CDCA7: variants seen among roughly 807,000 people sequenced by gnomAD.
CDCA7 encodes the protein cell division cycle associated 7, also known as cell division cycle-associated protein 7.
In CDCA7, 28 loss-of-function variants were observed where a neutral mutation model predicts 54.0. That is an observed-to-expected ratio of 0.52 (90% CI 0.38 to 0.71). The LOEUF is 0.71. Among genes scored for constraint, CDCA7 ranks in the 30% least tolerant of loss-of-function variants. CDCA7 has a pLI of 0.00. For missense variants in CDCA7, 484 were observed against 586.0 expected (o/e 0.83, Z 1.80); for synonymous variants, 180 against 208.2 (o/e 0.86, Z 1.16).
chr2:173,356,739 A>C (rs1243031378), intron 1 of CDCA7, among the ~76,000 whole-genome samples: 1 of 152,164 alleles, frequency 6.6e-6, no homozygotes, highest in East Asian at 1.9e-4. Context: ...TCGTGGGCTC[A>C]AGTGATCCTC....
At chr2:173,362,979 A>G (rs549208492) in intron 3 of CDCA7, among the ~76,000 whole-genome samples, 154 of 152,320 alleles carry the variant, frequency 1.0e-3, no homozygotes, top group African/African-American at 3.6e-3. Flanking sequence ...ATTTTAAAAA[A>G]AGGCTCAGAA....
intron 6 of CDCA7, among the ~76,000 whole-genome samples, 162 bp from the exon 7 acceptor site, chr2:173,365,290 A>G (rs1686698996): frequency 6.6e-6 from 1 of 152,152 alleles, no homozygotes; most frequent in South Asian, 2.1e-4. Context: ...TTCCAGGTTG[A>G]AGTTTGTGTG....
intron 2 of CDCA7, 32 bp downstream of exon 2, chr2:173,358,869 G>T: frequency 6.3e-7 from 1 of 1,596,056 alleles, no homozygotes; most frequent in Non-Finnish European, 8.5e-7. Context: ...ACAGAATTGA[G>T]TCTGCAGTGC....
chr2:173,365,216 AAATGTCCAGTTAGGCTAC>A, intron 6 of CDCA7, among the ~76,000 whole-genome samples: 1 of 152,314 alleles, frequency 6.6e-6, no homozygotes, highest in East Asian at 1.9e-4. Context: ...ATCGTTTCCA[AAATGTCCAGTTAGGCTAC>A]AGTAAGCGTA....
intron 6 of CDCA7, 139 bp from the exon 7 acceptor site, chr2:173,365,313 G>A: frequency 1.0e-6 from 1 of 987,184 alleles, no homozygotes. Flanking sequence ...GAAATTACAA[G>A]TCAAGTATCT....
At chr2:173,363,071 T>C (rs1686653121) in intron 3 of CDCA7, among the ~76,000 whole-genome samples, 155 bp from the exon 4 acceptor site, 2 of 152,228 alleles carry the variant, frequency 1.3e-5, no homozygotes, top group African/African-American at 4.8e-5. Flanking sequence ...ACTCTGTTGA[T>C]GTACTCTTTG....
In CDCA7 at chr2:173,354,890, G is replaced by A. The variant is rs1294740696; in HGVS notation, c.-74G>A. 2.7e-6 allele frequency: 4 copies of A among 1,457,812 alleles called. No homozygotes were observed. Among genetic ancestry groups the A allele is most frequent in the East Asian group, 3.0e-5 (1 of 32,878 alleles). 90.3% of individuals were successfully genotyped at this position (1,457,812 alleles called of 1,614,324 possible). The stretch of plus-strand genomic sequence containing the variant: ...CAGCCGCGCTGCTGCTGCTCCTCCT[G>A]CTGTGGGACCGCTGACCGCGCGGCT... On this transcript the variant is annotated 5_prime_UTR_variant, in exon 1 of 10. Coordinates refer to ENST00000306721, the MANE Select transcript of CDCA7 (RefSeq NM_031942.5).
At chr2:173,365,035 G>A in intron 6 of CDCA7, 46 bp downstream of exon 6, 1 of 1,516,834 alleles carries the variant, frequency 6.6e-7, no homozygotes, top group Non-Finnish European at 8.7e-7. Context: ...CTCATCTTCG[G>A]TAGGCCTGGC....
At chr2:173,355,186 A>C (rs1686471897) in intron 1 of CDCA7, among the ~76,000 whole-genome samples, 1 of 152,228 alleles carries the variant, frequency 6.6e-6, no homozygotes, top group Admixed American at 6.5e-5. Flanking sequence ...TGGCGTGCGC[A>C]CCCGAAGTGC....
intron 5 of CDCA7, chr2:173,364,570 A>C: frequency 2.3e-6 from 1 of 433,286 alleles, no homozygotes; most frequent in East Asian, 4.5e-5. Context: ...TAAATAGCTC[A>C]TCTCTCAAGT....
At chr2:173,361,404 TAC>T (rs1240137890) in intron 3 of CDCA7, among the ~76,000 whole-genome samples, 1 of 152,138 alleles carries the variant, frequency 6.6e-6, no homozygotes, top group Non-Finnish European at 1.5e-5. Context: ...GTGTGAGGGT[TAC>T]AGTTTCTCCA....
intron 1 of CDCA7, among the ~76,000 whole-genome samples, chr2:173,357,850 GAATA>G (rs1347402569): frequency 2.0e-5 from 3 of 152,110 alleles, no homozygotes; most frequent in Non-Finnish European, 4.4e-5. Flanking sequence ...ACAGATGTTT[GAATA>G]AATTGATAAA....
At chr2:173,361,843 T>C (rs1686628287) in intron 3 of CDCA7, among the ~76,000 whole-genome samples, 1 of 152,128 alleles carries the variant, frequency 6.6e-6, no homozygotes, top group Non-Finnish European at 1.5e-5. Flanking sequence ...AGTCTTGCTC[T>C]GTAGCCCAGG....
chr2:173,358,199 CAAA>C (rs369867435), intron 1 of CDCA7, among the ~76,000 whole-genome samples: 4 of 107,256 alleles, frequency 3.7e-5, no homozygotes, highest in Non-Finnish European at 3.7e-5. Flanking sequence ...GACTCCGTCT[CAAA>C]AAAAAAAAAA....
At chr2:173,359,941 A>G (rs763206394) in intron 3 of CDCA7, among the ~76,000 whole-genome samples, 2 of 152,194 alleles carry the variant, frequency 1.3e-5, no homozygotes, top group Non-Finnish European at 2.9e-5. Flanking sequence ...ATTGCAGATA[A>G]TGACATTGAG....
intron 3 of CDCA7, 30 bp from the exon 4 acceptor site, chr2:173,363,196 A>G: frequency 6.2e-7 from 1 of 1,601,032 alleles, no homozygotes; most frequent in Non-Finnish European, 8.6e-7. Context: ...TCTGCTGATC[A>G]AGTCCTAATG....
intron 1 of CDCA7, among the ~76,000 whole-genome samples, chr2:173,355,343 C>G (rs920787662): frequency 1.4e-4 from 21 of 152,190 alleles, no homozygotes; most frequent in African/African-American, 4.8e-4. Context: ...CTGCCTGCCC[C>G]CTGGGAGGTT....
intron 2 of CDCA7, 40 bp downstream of exon 2, chr2:173,358,877 T>G: frequency 6.3e-7 from 1 of 1,586,834 alleles, no homozygotes; most frequent in Non-Finnish European, 8.6e-7. Flanking sequence ...GAGTCTGCAG[T>G]GCTCAAAATG....
intron 3 of CDCA7, 30 bp downstream of exon 3, chr2:173,359,521 A>G (rs746528754): frequency 6.3e-7 from 1 of 1,578,556 alleles, no homozygotes; most frequent in South Asian, 1.1e-5. Flanking sequence ...CAGTTTCAAG[A>G]AGTAAGATAC....
Sources: allele counts gnomAD v4.1 joint callset (sites outside exome capture counted in the v4.1 genomes callset), GRCh38; gene constraint gnomAD v4.1.1; transcripts MANE v1.5; gene names NCBI Gene and HGNC (gene_info 2026-07-23, HGNC 2026-07-21).